The following KLRC3 variants were observed in gnomAD, a reference collection of about 807,000 sequenced individuals.
The protein encoded by KLRC3 is killer cell lectin like receptor C3.
A neutral mutation model predicts 23.6 loss-of-function variants in KLRC3; 16 were observed. The observed-to-expected ratio is 0.68, with a 90% CI of 0.46 to 1.03. The LOEUF (loss-of-function observed/expected upper bound fraction) is 1.03. KLRC3 is among the 50% of genes least tolerant of loss of function. The pLI, the probability that KLRC3 is intolerant of heterozygous loss-of-function variation, is 0.00. For missense variants in KLRC3, 209 were observed against 232.2 expected, an observed-to-expected ratio of 0.90 and a Z score of 0.65; for synonymous variants, 70 against 71.8, an observed-to-expected ratio of 0.98 and a Z score of 0.13.
At chr12:10,416,909 C>G (rs954993324) in intron 4 of KLRC3, 142 bp from the exon 5 acceptor site, 2 of 668,234 alleles carry the variant, frequency 3.0e-6, no homozygotes, top group East Asian at 5.6e-5. Context: ...AACTCTTCAA[C>G]GTTTATACTT....
intron 4 of KLRC3, among the ~76,000 whole-genome samples, chr12:10,417,411 T>A (rs2447706): frequency 7.2e-5 from 10 of 139,398 alleles, no homozygotes; most frequent in Admixed American, 5.8e-4. Context: ...AGTGTCCGAG[T>A]GAGCATGTTA....
At chr12:10,416,090 A>T (rs564734932) in intron 5 of KLRC3, among the ~76,000 whole-genome samples, 2 of 152,362 alleles carry the variant, frequency 1.3e-5, no homozygotes, top group East Asian at 3.9e-4. Flanking sequence ...AATTAGGCAC[A>T]ATAAGAGATT....
At chr12:10,416,551 T>C (rs1274848738) in intron 5 of KLRC3, 116 bp downstream of exon 5, 7 of 1,258,634 alleles carry the variant, frequency 5.6e-6, no homozygotes, top group Non-Finnish European at 7.6e-6. Flanking sequence ...GTATCAACAT[T>C]TCACTAACTT....
At chr12:10,415,419 T>G (rs1390452264) in intron 6 of KLRC3, among the ~76,000 whole-genome samples, 1 of 152,196 alleles carries the variant, frequency 6.6e-6, no homozygotes, top group Admixed American at 6.5e-5. Context: ...TTCTTGATAC[T>G]TCATATAAAC....
chr12:10,416,277 C>G (rs1863641671), intron 5 of KLRC3, among the ~76,000 whole-genome samples: 1 of 152,214 alleles, frequency 6.6e-6, no homozygotes, highest in Non-Finnish European at 1.5e-5. Flanking sequence ...GCATGTGGCC[C>G]AGGAAGCTTT....
At chr12:10,416,015 A>G (rs192979743) in intron 5 of KLRC3, among the ~76,000 whole-genome samples, 102 of 151,566 alleles carry the variant, frequency 6.7e-4, no homozygotes, top group African/African-American at 2.4e-3. Context: ...CTGAAATAGT[A>G]CAGAACCTAT....
At chr12:10,419,155 TTTC>T (rs2137861019) in intron 2 of KLRC3, 67 bp from the exon 3 acceptor site, 1 of 102,376 alleles carries the variant, frequency 9.8e-6, no homozygotes, top group African/African-American at 6.6e-5. Context: ...ATGAGTTTAG[TTTC>T]TTACTTTGAA....
At chr12:10,417,572 C>A (rs35758051) in intron 4 of KLRC3, among the ~76,000 whole-genome samples, 1 of 151,990 alleles carries the variant, frequency 6.6e-6, no homozygotes, top group Non-Finnish European at 1.5e-5. Context: ...GGAGACCTGC[C>A]ACCAATACGG....
In KLRC3 at chr12:10,414,984, G is replaced by A. The variant is rs139391327; in HGVS notation, c.678+720C>T. 4.5e-3 allele frequency among the ~76,000 whole-genome samples: 678 copies of A among 152,062 alleles called. 8 individuals carry two copies. The highest frequency in any genetic ancestry group is 0.012 in the African/African-American group (505 of 41,488). On this transcript the variant is annotated intron_variant, in intron 6 of 6. Coordinates refer to ENST00000396439, the MANE Select transcript of KLRC3 (RefSeq NM_002261.3). ...ATGAATGTAAAATATCTGCATTTCT[G>A]TATGATTCAAACCCCCAAAATACAT...
chr12:10,418,542 A>T (rs754870285), intron 3 of KLRC3, 44 bp from the exon 4 acceptor site: 24 of 1,508,518 alleles, frequency 1.6e-5, no homozygotes, highest in Non-Finnish European at 2.0e-5. Flanking sequence ...ATGAATTTTT[A>T]AAAATGAAAA....
rs754567452 is a variant in KLRC3 at position 10,412,568 on chromosome 12, G to A, written c.*4C>T. On this transcript the variant is annotated 3_prime_UTR_variant, in exon 7 of 7. Coordinates refer to ENST00000396439, the MANE Select transcript of KLRC3 (RefSeq NM_002261.3). ...GGAGGCCAAGATGTGTTGATTTCTT[G>A]AGCTCAGGAGTTCAAGACCAGCCTG... The A allele has an allele frequency of 2.9e-6, 2 of 701,622 alleles. No homozygotes were observed. Among genetic ancestry groups the A allele is most frequent in the Non-Finnish European group, 5.2e-6 (2 of 384,610 alleles). 43.5% of individuals were successfully genotyped at this position (701,622 alleles called of 1,614,324 possible).
chr12:10,418,377 A>G lies in KLRC3; in HGVS notation c.453T>C (p.Ser151=). The change falls in exon 4 of 7, where the codon TCT becomes TCC. Residue 151 remains serine (S), a synonymous_variant. Coordinates refer to ENST00000396439, the MANE Select transcript of KLRC3 (RefSeq NM_002261.3). ...SLQACASKNS[S]SLLCIDNEEE... is the part of the protein sequence containing the mutation. Reference sequence around the variant, plus strand: ...CTTCATTATCTATACAAAGCAGACTAGAAGAGTTCTTTGAAGCACAGGCCT... The same window carrying G: ...CTTCATTATCTATACAAAGCAGACTGGAAGAGTTCTTTGAAGCACAGGCCT... The G allele has an allele frequency of 6.2e-7, 1 of 1,611,444 alleles. No individual in the cohort carries two copies. The highest frequency in any genetic ancestry group is 8.5e-7 in the Non-Finnish European group (1 of 1,177,738).
Position 10,419,900 on chromosome 12 carries a change from C to T in KLRC3, c.252G>A (p.Met84Ile). 1 of 588,246 alleles carries T rather than the reference C, an allele frequency of 1.7e-6. No homozygotes were observed. The highest frequency in any genetic ancestry group is 2.2e-5 in the South Asian group (1 of 45,780). The allele number at this position is 588,246 out of a possible 1,614,324, so 36.4% of individuals were successfully genotyped here. Residue 84 changes from methionine (M) to isoleucine (I), a missense_variant, in exon 2 of 7, where the codon ATG becomes ATA. Around this residue, in one of 4 missense-constraint regions of KLRC3, gnomAD observed 109 missense variants for 113.2 expected, o/e 0.96. Transcript: ENST00000396439. ...GAACTATTGTTTTTAACACAGTGGCCATCAGGACAATGCAAATGATTCCTA... is the reference window on the plus strand; with the variant it reads ...GAACTATTGTTTTTAACACAGTGGCTATCAGGACAATGCAAATGATTCCTA... Reference protein sequence around the residue: ...EVLGIICIVLMATVLKTIVLI... With the variant: ...EVLGIICIVLIATVLKTIVLI...
At chr12:10,414,473 A>G (rs1384801145) in intron 6 of KLRC3, among the ~76,000 whole-genome samples, 6 of 151,932 alleles carry the variant, frequency 3.9e-5, no homozygotes, top group Non-Finnish European at 8.8e-5. Context: ...TGTACCTTCT[A>G]TTCAACTCTG....
At chr12:10,418,139 G>T (rs1272079199) in intron 4 of KLRC3, among the ~76,000 whole-genome samples, 1 of 152,018 alleles carries the variant, frequency 6.6e-6, no homozygotes, top group African/African-American at 2.4e-5. Flanking sequence ...TAGAAGCATG[G>T]TTTTCCATAA....
In KLRC3 at chr12:10,418,527, C is replaced by T. The variant is rs750076792; in HGVS notation, c.332-29G>A. 3 of 1,524,464 alleles carry T rather than the reference C, an allele frequency of 2.0e-6. No homozygotes were observed. In the Admixed American group the frequency reaches 5.8e-5, roughly 30 times the overall value. The allele number at this position is 1,524,464 out of a possible 1,614,324, so 94.4% of individuals were successfully genotyped here. A position where few individuals can be genotyped will look rare whatever the true frequency, so the allele number is the denominator to read the frequency against. On this transcript the variant is annotated intron_variant, in intron 3 of 6. Transcript: ENST00000396439. The stretch of plus-strand genomic sequence containing the variant: ...ATAAAGATATGAATTACTATCTAGA[C>T]CAATATGAATTTTTAAAAATGAAAA...
intron 6 of KLRC3, among the ~76,000 whole-genome samples, chr12:10,414,437 T>C (rs1310762910): frequency 6.6e-6 from 1 of 152,018 alleles, no homozygotes; most frequent in Non-Finnish European, 1.5e-5. Flanking sequence ...CAGAAAATGA[T>C]ACATATGATA....
chr12:10,414,746 A>C (rs1863616199), intron 6 of KLRC3, among the ~76,000 whole-genome samples: 1 of 151,844 alleles, frequency 6.6e-6, no homozygotes, highest in African/African-American at 2.4e-5. Flanking sequence ...TGTACCCTAA[A>C]ACTTAAAGTA....
intron 4 of KLRC3, among the ~76,000 whole-genome samples, chr12:10,417,285 C>G (rs1313003067): frequency 1.3e-5 from 2 of 151,390 alleles, no homozygotes; most frequent in Non-Finnish European, 1.5e-5. Flanking sequence ...CTGCTACTCC[C>G]TACTAAAAAC....
Sources: allele counts gnomAD v4.1 joint callset (sites outside exome capture counted in the v4.1 genomes callset), GRCh38; gene constraint gnomAD v4.1.1; regional missense constraint gnomAD v4.1.1; transcripts MANE v1.5; gene names NCBI Gene and HGNC (gene_info 2026-07-23, HGNC 2026-07-21).